GLYATL3: variants seen among roughly 807,000 people sequenced by gnomAD.
The protein encoded by GLYATL3 is glycine-N-acyltransferase like 3, also known as glycine N-acyltransferase-like protein 3.
GLYATL3 carries 31 observed loss-of-function variants against 28.5 expected under a neutral mutation model. The ratio of observed to expected loss-of-function variants is 1.09; its 90% confidence interval spans 0.82 to 1.47. GLYATL3 has a LOEUF of 1.47. Ranked by LOEUF, GLYATL3 falls within the 40% of genes most tolerant of loss-of-function variation. The probability of loss-of-function intolerance (pLI) is 0.00; values close to 1 mark genes in which losing one functional copy is unlikely to be tolerated. For missense variants in GLYATL3, 369 were observed against 351.5 expected (o/e 1.05, Z -0.40); for synonymous variants, 141 against 140.2 (o/e 1.01, Z -0.04).
intron 5 of GLYATL3, among the ~76,000 whole-genome samples, 159 bp downstream of exon 5, chr6:49,521,930 T>A (rs1769323869): frequency 1.3e-5 from 2 of 152,260 alleles, no homozygotes; most frequent in South Asian, 4.1e-4. Context: ...TGTGTGTGTG[T>A]TTACTCTTCT....
chr6:49,504,992 G>T (rs1768984701), intron 1 of GLYATL3, among the ~76,000 whole-genome samples: 1 of 152,192 alleles, frequency 6.6e-6, no homozygotes, highest in South Asian at 2.1e-4. Context: ...TTAACTCCGA[G>T]AGATTGTGTG....
chr6:49,522,317 A>G (rs1250828773), intron 5 of GLYATL3, among the ~76,000 whole-genome samples: 1 of 152,164 alleles, frequency 6.6e-6, no homozygotes, highest in Admixed American at 6.5e-5. Flanking sequence ...AGGGCAAATT[A>G]TAGAGCCAAG....
chr6:49,515,850 A>G, intron 3 of GLYATL3, 90 bp downstream of exon 3: 1 of 728,256 alleles, frequency 1.4e-6, no homozygotes, highest in Non-Finnish European at 2.4e-6. Context: ...GTAGCCATTT[A>G]CATTAGCTTA....
intron 1 of GLYATL3, among the ~76,000 whole-genome samples, chr6:49,503,230 T>C (rs1768945965): frequency 6.6e-6 from 1 of 152,210 alleles, no homozygotes; most frequent in African/African-American, 2.4e-5. Flanking sequence ...CTTTTGACGA[T>C]TGCCATAGTG....
At chr6:49,503,382 G>C (rs1768948218) in intron 1 of GLYATL3, among the ~76,000 whole-genome samples, 1 of 152,216 alleles carries the variant, frequency 6.6e-6, no homozygotes, top group Non-Finnish European at 1.5e-5. Context: ...CCATAATTCT[G>C]AATGTTCAGG....
At position 49,517,519 on chromosome 6, in the gene GLYATL3, T is replaced by A; in HGVS notation, c.276T>A (p.Cys92Ter). 2 of 1,551,050 alleles carry A rather than the reference T, an allele frequency of 1.3e-6. No homozygotes were observed. The highest frequency in any genetic ancestry group is 1.7e-6 in the Non-Finnish European group (2 of 1,146,452). Residue 92 changes from cysteine (C) to a stop codon, truncating the protein, a stop_gained, in exon 4 of 6, where the codon TGT becomes TGA. Transcript: ENST00000371197. LOFTEE classifies it high-confidence loss of function. ...CTTATCGACAGCTATTGGAAGAATG[T>A]GATGTTTTTAACTGGGACCAAGTTT... The part of the protein sequence containing the change: ...VRAYRQLLEE[C>*]DVFNWDQVFQ...
chr6:49,514,032 A>T (rs1769168624), intron 2 of GLYATL3, among the ~76,000 whole-genome samples: 1 of 152,230 alleles, frequency 6.6e-6, no homozygotes, highest in African/African-American at 2.4e-5. Flanking sequence ...TTGAAATCTA[A>T]CACATGCTAG....
In GLYATL3 at chr6:49,511,994, T is replaced by C; in HGVS notation, c.4T>C (p.Leu2=). 6.8e-7 allele frequency: 1 copy of C among 1,478,050 alleles called. No individual in the cohort carries two copies. Among genetic ancestry groups the C allele is most frequent in the Non-Finnish European group, 9.2e-7 (1 of 1,089,118 alleles). 91.6% of individuals were successfully genotyped at this position (1,478,050 alleles called of 1,614,324 possible). A position where few individuals can be genotyped will look rare whatever the true frequency, so the allele number is the denominator to read the frequency against. M[L]VLNCSTKLLI... ...AGTTGCAAGAGCTCTGGAAAAGATG[T>C]TGGTGCTAAACTGTTCTACCAAATT... Residue 2 remains leucine (L), a synonymous_variant, in exon 2 of 6, where the codon TTG becomes CTG. Transcript: ENST00000371197.
At chr6:49,522,394 T>C (rs936767016) in intron 5 of GLYATL3, among the ~76,000 whole-genome samples, 1 of 152,166 alleles carries the variant, frequency 6.6e-6, no homozygotes, top group African/African-American at 2.4e-5. Flanking sequence ...TCTGCATTTA[T>C]TCTTCTTTTG....
chr6:49,509,948 C>CTCTTTCTTTCTTTCTTTCTT (rs71540239), intron 1 of GLYATL3, among the ~76,000 whole-genome samples: 14 of 100,166 alleles, frequency 1.4e-4, no homozygotes, highest in South Asian at 6.9e-4. Context: ...TATTTTCTTT[C>CTCTTTCTTTCTTTCTTTCTT]TCTTTCTTTC....
chr6:49,502,486 C>T (rs1404989793), intron 1 of GLYATL3, among the ~76,000 whole-genome samples: 1 of 152,230 alleles, frequency 6.6e-6, no homozygotes, highest in Admixed American at 6.5e-5. Context: ...AGACTCATTA[C>T]ATTGAAACGG....
In GLYATL3 at chr6:49,528,045, T is replaced by G. The variant is rs901853733; in HGVS notation, c.*1131T>G. On this transcript the variant is annotated 3_prime_UTR_variant, in exon 6 of 6. Coordinates refer to ENST00000371197, the MANE Select transcript of GLYATL3 (RefSeq NM_001010904.2). ...CATGTATCCTTTTTTATAATGAAAA[T>G]TAAAATGCTTACATAATTAAAATAT... 6.6e-6 allele frequency among the ~76,000 whole-genome samples: 1 copy of G among 152,196 alleles called. No homozygotes were observed.
intron 4 of GLYATL3, among the ~76,000 whole-genome samples, chr6:49,519,811 G>A (rs911751901): frequency 1.3e-5 from 2 of 152,186 alleles, no homozygotes; most frequent in African/African-American, 2.4e-5. Flanking sequence ...ACCCAGAGTA[G>A]CTAAACCCCT....
intron 5 of GLYATL3, among the ~76,000 whole-genome samples, chr6:49,524,475 C>A (rs1169859167): frequency 6.6e-6 from 1 of 152,168 alleles, no homozygotes; most frequent in Non-Finnish European, 1.5e-5. Context: ...GCCTCATAGG[C>A]TTTCAACTAA....
intron 1 of GLYATL3, among the ~76,000 whole-genome samples, chr6:49,501,227 C>A (rs1322652767): frequency 2.7e-5 from 4 of 150,934 alleles, no homozygotes; most frequent in African/African-American, 9.7e-5. Context: ...TGGTGAAACC[C>A]CCCATCTCTA....
chr6:49,520,852 AAAAAC>A (rs992060397), intron 4 of GLYATL3, among the ~76,000 whole-genome samples: 5 of 152,238 alleles, frequency 3.3e-5, no homozygotes, highest in South Asian at 2.1e-4. Context: ...CCATCTCTAC[AAAAAC>A]AAAACAAAAC....
chr6:49,510,377 G>A (rs1769100215), intron 1 of GLYATL3, among the ~76,000 whole-genome samples: 1 of 152,054 alleles, frequency 6.6e-6, no homozygotes, highest in African/African-American at 2.4e-5. Context: ...ATCCTTCAGG[G>A]AACAAACCAG....
chr6:49,501,412 C>T (rs1768911809), intron 1 of GLYATL3, among the ~76,000 whole-genome samples: 1 of 152,168 alleles, frequency 6.6e-6, no homozygotes, highest in South Asian at 2.1e-4. Flanking sequence ...AATGCACTGA[C>T]TATACCAGCA....
chr6:49,512,228 G>A (rs1769134128), intron 2 of GLYATL3, among the ~76,000 whole-genome samples, 160 bp downstream of exon 2: 1 of 148,496 alleles, frequency 6.7e-6, no homozygotes, highest in Admixed American at 6.7e-5. Flanking sequence ...GAGACAGATT[G>A]AATAGACTGT....
Sources: gnomAD v4.1 joint callset for allele counts (sites outside exome capture counted in the v4.1 genomes callset) on GRCh38, gnomAD v4.1.1 for gene constraint, MANE v1.5 for transcripts, NCBI Gene and HGNC (gene_info 2026-07-23, HGNC 2026-07-21) for gene names.